The following FHIT variants were observed in gnomAD, a reference collection of about 807,000 sequenced individuals.
The protein encoded by FHIT is fragile histidine triad diadenosine triphosphatase.
In FHIT, 19 loss-of-function variants were observed where a neutral mutation model predicts 17.9. That is an observed-to-expected ratio of 1.06 (90% CI 0.74 to 1.56). The LOEUF is 1.56. Ranked by LOEUF, FHIT falls within the 40% of genes most tolerant of loss-of-function variation. The pLI, the probability that FHIT is intolerant of heterozygous loss-of-function variation, is 0.00. For synonymous variants in FHIT, 81 were observed against 69.7 expected (o/e 1.16, Z -0.81); for missense variants, 248 against 189.2 (o/e 1.31, Z -1.82).
intron 5 of FHIT, among the ~76,000 whole-genome samples, chr3:60,018,005 G>A (rs1410742969): frequency 1.3e-5 from 2 of 152,252 alleles, no homozygotes; most frequent in South Asian, 4.1e-4. Context: ...TGTTTGTGTT[G>A]TTATAAAAGA....
At chr3:60,448,365 CA>C (rs905010721) in intron 5 of FHIT, among the ~76,000 whole-genome samples, 1 of 152,020 alleles carries the variant, frequency 6.6e-6, no homozygotes, top group African/African-American at 2.4e-5. Context: ...TAAAAGCAAA[CA>C]AAAAATAATT....
At chr3:60,884,334 C>T (rs1364166845) in intron 3 of FHIT, among the ~76,000 whole-genome samples, 1 of 152,046 alleles carries the variant, frequency 6.6e-6, no homozygotes, top group African/African-American at 2.4e-5. Context: ...AAAATATCTA[C>T]AATGTGACCC....
chr3:59,881,128 ACAATTCT>A (rs1703393364), intron 8 of FHIT, among the ~76,000 whole-genome samples: 1 of 152,192 alleles, frequency 6.6e-6, no homozygotes, highest in African/African-American at 2.4e-5. Context: ...CCACGTCTCA[ACAATTCT>A]CTTTTCATCT....
intron 5 of FHIT, among the ~76,000 whole-genome samples, chr3:60,364,925 T>C (rs931417301): frequency 9.2e-5 from 14 of 152,072 alleles, no homozygotes; most frequent in African/African-American, 3.4e-4. Flanking sequence ...CCTAATTAGA[T>C]TAAATCATAC....
At chr3:60,782,218 A>ATT (rs1415303223) in intron 4 of FHIT, among the ~76,000 whole-genome samples, 4 of 101,352 alleles carry the variant, frequency 3.9e-5, no homozygotes, top group South Asian at 5.1e-4. Flanking sequence ...AGAATATTTC[A>ATT]TTGTGTGTGT....
At chr3:60,185,381 T>A (rs1216043873) in intron 5 of FHIT, among the ~76,000 whole-genome samples, 3 of 152,192 alleles carry the variant, frequency 2.0e-5, no homozygotes, top group Non-Finnish European at 4.4e-5. Flanking sequence ...ATGCAGTAGA[T>A]AGCCTTTTCA....
chr3:60,931,836 C>T (rs532443578), intron 3 of FHIT, among the ~76,000 whole-genome samples: 1 of 152,094 alleles, frequency 6.6e-6, no homozygotes, highest in African/African-American at 2.4e-5. Flanking sequence ...CCAGTGGATG[C>T]TAGAAATAAT....
At chr3:60,722,199 C>G (rs79302695) in intron 4 of FHIT, among the ~76,000 whole-genome samples, 1 of 152,132 alleles carries the variant, frequency 6.6e-6, no homozygotes, top group Non-Finnish European at 1.5e-5. Flanking sequence ...CCCATCTGAG[C>G]GACAGAACTG....
chr3:60,485,992 A>G (rs901114884), intron 5 of FHIT, among the ~76,000 whole-genome samples: 5 of 152,160 alleles, frequency 3.3e-5, no homozygotes, highest in African/African-American at 1.2e-4. Context: ...TTCCCTATCA[A>G]TAGTCATTTG....
chr3:60,038,261 C>A (rs1002882005), intron 5 of FHIT, among the ~76,000 whole-genome samples: 1 of 152,086 alleles, frequency 6.6e-6, no homozygotes, highest in African/African-American at 2.4e-5. Context: ...TGAATCAAAT[C>A]TTTCTTACTT....
chr3:61,058,482 G>A (rs2034306067), intron 2 of FHIT, among the ~76,000 whole-genome samples: 1 of 152,162 alleles, frequency 6.6e-6, no homozygotes, highest in Non-Finnish European at 1.5e-5. Flanking sequence ...TGTTGGAGGA[G>A]GGGCCTGGTG....
chr3:59,979,234 G>T (rs1708544559), intron 7 of FHIT, among the ~76,000 whole-genome samples: 2 of 152,100 alleles, frequency 1.3e-5, no homozygotes. Flanking sequence ...TGGTCTTGTG[G>T]TCCTCAAGAA....
chr3:60,776,627 C>T (rs1345214995), intron 4 of FHIT, among the ~76,000 whole-genome samples: 2 of 152,176 alleles, frequency 1.3e-5, no homozygotes, highest in Middle Eastern at 3.2e-3. Flanking sequence ...GAACTAACCG[C>T]ACCCTTAACT....
chr3:60,074,003 G>A (rs937807991), intron 5 of FHIT, among the ~76,000 whole-genome samples: 2 of 152,066 alleles, frequency 1.3e-5, no homozygotes, highest in Admixed American at 1.3e-4. Flanking sequence ...TATCAGACTT[G>A]ATTTGGCTTA....
intron 4 of FHIT, among the ~76,000 whole-genome samples, chr3:60,713,065 A>G (rs1212550826): frequency 6.6e-6 from 1 of 152,238 alleles, no homozygotes; most frequent in African/African-American, 2.4e-5. Flanking sequence ...AAGAGAAATT[A>G]TAACAAACTG....
At chr3:60,121,611 G>C (rs1705251488) in intron 5 of FHIT, among the ~76,000 whole-genome samples, 1 of 152,002 alleles carries the variant, frequency 6.6e-6, no homozygotes, top group Non-Finnish European at 1.5e-5. Flanking sequence ...TTGAACCAAG[G>C]AGGCGGAGGT....
In FHIT at chr3:60,317,633, G is replaced by GTA. The variant is rs1226684812; in HGVS notation, c.103+219226_103+219227insTA. On this transcript the variant is annotated intron_variant, in intron 5 of 9. Coordinates refer to ENST00000492590, the MANE Select transcript of FHIT (RefSeq NM_002012.4). Reference sequence around the variant, plus strand: ...TAATTATATATGTGTGTGTGTGTGTGTGTATATATATATATATATAATATT... The same window carrying GTA: ...TAATTATATATGTGTGTGTGTGTGTGTATGTATATATATATATATATAATATT... Among the ~76,000 whole-genome samples, 390 of 141,838 alleles carry GTA rather than the reference G, an allele frequency of 2.7e-3. 2 individuals carry two copies. Among genetic ancestry groups the GTA allele is most frequent in the African/African-American group, 1.0e-2 (371 of 37,228 alleles). 93.1% of individuals were successfully genotyped at this position (141,838 alleles called of 152,430 possible). A position where few individuals can be genotyped will look rare whatever the true frequency, so the allele number is the denominator to read the frequency against.
intron 8 of FHIT, among the ~76,000 whole-genome samples, chr3:59,872,130 C>T (rs565583737): frequency 4.7e-4 from 71 of 152,274 alleles, no homozygotes; most frequent in Non-Finnish European, 9.1e-4. Context: ...TGCAGGCATT[C>T]CTTCATGGGG....
intron 5 of FHIT, among the ~76,000 whole-genome samples, chr3:60,263,685 A>G (rs1706417774): frequency 6.6e-6 from 1 of 151,980 alleles, no homozygotes; most frequent in South Asian, 2.1e-4. Flanking sequence ...AGGAGGTGGA[A>G]TGCAAAACTG....
Sources: gnomAD v4.1 joint callset for allele counts (sites outside exome capture counted in the v4.1 genomes callset) on GRCh38, gnomAD v4.1.1 for gene constraint, MANE v1.5 for transcripts, NCBI Gene and HGNC (gene_info 2026-07-23, HGNC 2026-07-21) for gene names.